PTPRT: variants seen among roughly 807,000 people sequenced by gnomAD.
PTPRT encodes receptor-type tyrosine-protein phosphatase T.
A neutral mutation model predicts 176.8 loss-of-function variants in PTPRT; 56 were observed. The observed-to-expected ratio is 0.32, with a 90% confidence interval of 0.26 to 0.40. PTPRT has a LOEUF of 0.40. Ranked by LOEUF, PTPRT falls within the 10% of genes least tolerant of loss-of-function variation. PTPRT has a pLI of 1.00. For synonymous variants in PTPRT, 783 were observed against 739.0 expected (o/e 1.06, Z -0.96); for missense variants, 1,540 against 1,908.2 (o/e 0.81, Z 3.60).
rs147252506 is a variant in PTPRT, at chr20:42,890,879, C to G, written c.89-4947G>C. On this transcript the variant is annotated intron_variant, in intron 1 of 30. Coordinates refer to ENST00000373187, the MANE Select transcript of PTPRT (RefSeq NM_007050.6). ...GGGACCTGGTGGGAGATAATTGAAT[C>G]ATAGGGGTGGTTTCCCCCATACTGT... Among the ~76,000 whole-genome samples, 382 of 152,242 alleles carry G rather than the reference C, an allele frequency of 2.5e-3. 1 individual carries two copies. Among genetic ancestry groups the G allele is most frequent in the African/African-American group, 8.7e-3 (362 of 41,554 alleles).
chr20:42,227,755 G>T (rs6030067), intron 15 of PTPRT, among the ~76,000 whole-genome samples: 1 of 151,752 alleles, frequency 6.6e-6, no homozygotes, highest in South Asian at 2.1e-4. Context: ...TTACAGGCAC[G>T]TGCCACCATG....
chr20:43,060,902 G>A (rs1987427970), intron 1 of PTPRT, among the ~76,000 whole-genome samples: 1 of 152,148 alleles, frequency 6.6e-6, no homozygotes, highest in Non-Finnish European at 1.5e-5. Context: ...TAAGATTATA[G>A]GTGTTACAGG....
chr20:42,956,441 C>G (rs1434779850), intron 1 of PTPRT, among the ~76,000 whole-genome samples: 5 of 152,042 alleles, frequency 3.3e-5, no homozygotes, highest in Non-Finnish European at 5.9e-5. Context: ...GACACCTGCT[C>G]CTACTCTAGC....
intron 1 of PTPRT, among the ~76,000 whole-genome samples, chr20:42,984,365 G>A (rs1983452020): frequency 6.6e-6 from 1 of 152,194 alleles, no homozygotes; most frequent in Non-Finnish European, 1.5e-5. Flanking sequence ...AAAAGGCTCT[G>A]CTATTGTCTA....
intron 12 of PTPRT, among the ~76,000 whole-genome samples, chr20:42,287,809 C>G (rs189463059): frequency 6.6e-6 from 1 of 151,842 alleles, no homozygotes. Context: ...TTATATGTCT[C>G]AAAACATCAC....
chr20:42,134,701 G>A (rs866168857), intron 18 of PTPRT, among the ~76,000 whole-genome samples: 3 of 152,282 alleles, frequency 2.0e-5, no homozygotes, highest in African/African-American at 4.8e-5. Context: ...TTTCTGTGGT[G>A]TAAATACTCC....
chr20:42,779,850 T>TG (rs2077189824), intron 4 of PTPRT, among the ~76,000 whole-genome samples: 2 of 31,316 alleles, frequency 6.4e-5, no homozygotes, highest in African/African-American at 1.1e-4. Context: ...TGGTGGTGTG[T>TG]TTTTTTTTTT....
rs1283617915 is a variant in PTPRT at position 42,119,959 on chromosome 20, G to T, written c.2860C>A (p.Pro954Thr). 6.2e-7 allele frequency: 1 copy of T among 1,608,704 alleles called. No individual in the cohort carries two copies. Among genetic ancestry groups the T allele is most frequent in the East Asian group, 2.3e-5 (1 of 44,196 alleles). ...NANYIDGYHRPRHYIATQGPM... is the reference protein window; with the variant it reads ...NANYIDGYHRTRHYIATQGPM... Reference sequence around the variant, plus strand: ...CCTTGAGTCGCAATGTAGTGCCGAGGTCGATGGTATCCCTGGATAACAGGA... The same window carrying T: ...CCTTGAGTCGCAATGTAGTGCCGAGTTCGATGGTATCCCTGGATAACAGGA... Residue 954 changes from proline to threonine, a missense_variant, in exon 20 of 31, where the codon CCT (proline) becomes ACT (threonine). Pro to Thr is a conservative substitution (Grantham distance 38, BLOSUM62 -1). Transcript: ENST00000373187.
intron 9 of PTPRT, among the ~76,000 whole-genome samples, chr20:42,438,660 C>A (rs1468023433): frequency 6.6e-6 from 1 of 152,164 alleles, no homozygotes; most frequent in East Asian, 1.9e-4. Flanking sequence ...CCAAGACAAG[C>A]ATACTTATTC....
At chr20:42,598,632 T>C (rs1266447557) in intron 7 of PTPRT, among the ~76,000 whole-genome samples, 1 of 152,192 alleles carries the variant, frequency 6.6e-6, no homozygotes, top group Admixed American at 6.5e-5. Context: ...ATTATTTTCA[T>C]AGTTTTTCAA....
intron 6 of PTPRT, among the ~76,000 whole-genome samples, chr20:42,745,178 C>A (rs965869962): frequency 1.3e-5 from 2 of 152,210 alleles, no homozygotes; most frequent in African/African-American, 4.8e-5. Context: ...GAAAGGGATT[C>A]TGGGGCTCAA....
intron 17 of PTPRT, among the ~76,000 whole-genome samples, chr20:42,147,389 T>C (rs1419434823): frequency 6.6e-6 from 1 of 152,200 alleles, no homozygotes; most frequent in Admixed American, 6.5e-5. Context: ...ATAACCTCCA[T>C]GACAGATAGC....
chr20:42,825,507 T>C (rs2077976709), intron 2 of PTPRT, among the ~76,000 whole-genome samples: 2 of 152,282 alleles, frequency 1.3e-5, no homozygotes, highest in African/African-American at 2.4e-5. Flanking sequence ...GCACCTAATT[T>C]TGTAAAATAT....
chr20:43,085,780 C>G (rs571774406), intron 1 of PTPRT, among the ~76,000 whole-genome samples: 11 of 152,294 alleles, frequency 7.2e-5, no homozygotes, highest in African/African-American at 2.6e-4. Flanking sequence ...ACAGGAGCTA[C>G]AATTCAAGAT....
At chr20:42,206,399 C>G (rs576454934) in intron 15 of PTPRT, among the ~76,000 whole-genome samples, 2 of 152,316 alleles carry the variant, frequency 1.3e-5, no homozygotes, top group South Asian at 2.1e-4. Context: ...GAGTGCCAGA[C>G]AGTGGGCGCA....
intron 7 of PTPRT, among the ~76,000 whole-genome samples, chr20:42,522,376 T>C (rs1006463125): frequency 6.6e-6 from 1 of 152,030 alleles, no homozygotes; most frequent in African/African-American, 2.4e-5. Flanking sequence ...ATTTTCTTAA[T>C]GTCTTTAACG....
intron 7 of PTPRT, among the ~76,000 whole-genome samples, chr20:42,615,931 C>T: frequency 8.4e-6 from 1 of 119,640 alleles, no homozygotes; most frequent in Non-Finnish European, 1.7e-5. Context: ...TGCAGAAGCT[C>T]TTTAGTTTAA....
At position 42,961,139 on chromosome 20, in the gene PTPRT, G is replaced by A. The variant is rs150773841; in HGVS notation, c.89-75207C>T. On this transcript the variant is annotated intron_variant, in intron 1 of 30. Transcript: ENST00000373187. ...AAAAGCTAGAAAAAAAATGAAGGTA[G>A]GTAATTAAAATAAAGAAAAGCCTGT... Among the ~76,000 whole-genome samples, 295 of 151,930 alleles carry A rather than the reference G, an allele frequency of 1.9e-3. 6 individuals carry two copies. The highest frequency in any genetic ancestry group is 0.017 in the Admixed American group (267 of 15,274).
At chr20:42,707,366 T>C (rs573816112) in intron 6 of PTPRT, among the ~76,000 whole-genome samples, 1 of 152,318 alleles carries the variant, frequency 6.6e-6, no homozygotes, top group East Asian at 1.9e-4. Flanking sequence ...ATGAGTAGGT[T>C]ATGTTACATG....
Sources: allele counts gnomAD v4.1 joint callset (sites outside exome capture counted in the v4.1 genomes callset), GRCh38; gene constraint gnomAD v4.1.1; transcripts MANE v1.5; gene names NCBI Gene and HGNC (gene_info 2026-07-23, HGNC 2026-07-21).